Variants in DRD2 observed in about 807,000 individuals in gnomAD.
DRD2 encodes D(2) dopamine receptor.
A neutral mutation model predicts 38.0 loss-of-function variants in DRD2; 8 were observed. The ratio of observed to expected loss-of-function variants is 0.21; its 90% confidence interval spans 0.12 to 0.38. The LOEUF is 0.38. Among genes scored for constraint, DRD2 ranks in the 10% least tolerant of loss-of-function variants. DRD2 has a pLI of 1.00. For synonymous variants in DRD2, 230 were observed against 238.6 expected (o/e 0.96, Z 0.33); for missense variants, 403 against 607.7 (o/e 0.66, Z 3.54).
chr11:113,416,349 G>A (rs1950826760), intron 4 of DRD2, among the ~76,000 whole-genome samples: 1 of 152,180 alleles, frequency 6.6e-6, no homozygotes, highest in South Asian at 2.1e-4. Context: ...TCCTGACTCT[G>A]CCTCCCACAG....
At chr11:113,441,209 T>C (rs1951088244) in intron 1 of DRD2, among the ~76,000 whole-genome samples, 1 of 152,224 alleles carries the variant, frequency 6.6e-6, no homozygotes. Flanking sequence ...CCCCAACTTA[T>C]GGGCAGACCA....
At chr11:113,415,770 CAA>C (rs1366162011) in intron 4 of DRD2, among the ~76,000 whole-genome samples, 159 bp from the exon 5 acceptor site, 1 of 152,074 alleles carries the variant, frequency 6.6e-6, no homozygotes, top group Non-Finnish European at 1.5e-5. Flanking sequence ...TAGATATACA[CAA>C]ACGCACAGCA....
At chr11:113,447,131 G>A (rs1199211622) in intron 1 of DRD2, among the ~76,000 whole-genome samples, 1 of 152,090 alleles carries the variant, frequency 6.6e-6, no homozygotes, top group Non-Finnish European at 1.5e-5. Flanking sequence ...GCCCACTTCT[G>A]CTCCAGCCTC....
chr11:113,436,867 A>G (rs1353614428), intron 1 of DRD2, among the ~76,000 whole-genome samples: 1 of 152,106 alleles, frequency 6.6e-6, no homozygotes, highest in African/African-American at 2.4e-5. Flanking sequence ...CTTATTATGA[A>G]CACTGGCTTC....
chr11:113,425,442 C>A (rs1473139154), intron 1 of DRD2, among the ~76,000 whole-genome samples: 6 of 152,130 alleles, frequency 3.9e-5, no homozygotes, highest in Non-Finnish European at 7.3e-5. Context: ...GCAGAGGGAC[C>A]TGGCAAGGGT....
At chr11:113,472,074 G>C (rs960651186) in intron 1 of DRD2, among the ~76,000 whole-genome samples, 3 of 152,228 alleles carry the variant, frequency 2.0e-5, no homozygotes, top group African/African-American at 7.2e-5. Flanking sequence ...CCACAAAGCG[G>C]GGAGAAGTGG....
In DRD2 at chr11:113,416,156, T is replaced by C. The variant is rs2440390; in HGVS notation, c.533-545A>G. ...TGTGCATTAATCCAAGTATGTTTAG[T>C]GTTATTCCCACTTAGAATTCCTGTG... On this transcript the variant is annotated intron_variant, in intron 4 of 7. Coordinates refer to ENST00000362072, the MANE Select transcript of DRD2 (RefSeq NM_000795.4). Among the ~76,000 whole-genome samples, 132,047 of 152,240 alleles carry C rather than the reference T, an allele frequency of 0.87. 57,376 individuals are homozygous for C. Among genetic ancestry groups the C allele is most frequent in the East Asian group, 0.96 (4,970 of 5,170 alleles).
Position 113,410,722 on chromosome 11 carries a change from C to T in DRD2, c.*5G>A, listed in dbSNP as rs201275953. On this transcript the variant is annotated 3_prime_UTR_variant, in exon 8 of 8. Coordinates refer to ENST00000362072, the MANE Select transcript of DRD2 (RefSeq NM_000795.4). ...AGCAGGCTGCTGTGCGGGCAGGCAG[C>T]AGAGTCAGCAGTGGAGGATCTTCAG... The T allele has an allele frequency of 2.0e-5, 32 of 1,614,012 alleles. No homozygotes were observed. Among genetic ancestry groups the T allele is most frequent in the Non-Finnish European group, 2.3e-5 (27 of 1,180,040 alleles).
At chr11:113,446,860 C>T (rs2119882992) in intron 1 of DRD2, among the ~76,000 whole-genome samples, 1 of 152,284 alleles carries the variant, frequency 6.6e-6, no homozygotes, top group Middle Eastern at 3.4e-3. Flanking sequence ...CCAACACTGA[C>T]AGTAAGGCAT....
intron 1 of DRD2, among the ~76,000 whole-genome samples, chr11:113,435,825 T>G (rs1475149747): frequency 6.6e-6 from 1 of 152,188 alleles, no homozygotes; most frequent in Non-Finnish European, 1.5e-5. Context: ...TGACCTTTAC[T>G]TTAATTTCAG....
chr11:113,412,426 T>G, intron 7 of DRD2, 130 bp downstream of exon 7: 1 of 1,149,168 alleles, frequency 8.7e-7, no homozygotes. Flanking sequence ...GCTGTCTGTA[T>G]GTCAATGGGC....
intron 5 of DRD2, among the ~76,000 whole-genome samples, chr11:113,414,877 A>C (rs2138161190): frequency 6.6e-6 from 1 of 152,350 alleles, no homozygotes; most frequent in East Asian, 1.9e-4. Context: ...TGATGCGTCT[A>C]GCCCAAGAGC....
At chr11:113,468,463 A>G (rs1951390550) in intron 1 of DRD2, among the ~76,000 whole-genome samples, 1 of 152,378 alleles carries the variant, frequency 6.6e-6, no homozygotes, top group South Asian at 2.1e-4. Flanking sequence ...GAGCAGGTTA[A>G]GTGCCCTGCC....
intron 1 of DRD2, among the ~76,000 whole-genome samples, chr11:113,434,362 G>T (rs368539414): frequency 1.3e-5 from 2 of 152,194 alleles, no homozygotes; most frequent in African/African-American, 4.8e-5. Context: ...CAAGGGTGAA[G>T]GGGCCAGTCC....
At chr11:113,423,030 A>G (rs758621827) in intron 2 of DRD2, among the ~76,000 whole-genome samples, 3 of 151,958 alleles carry the variant, frequency 2.0e-5, no homozygotes, top group Non-Finnish European at 4.4e-5. Context: ...ATGCACCTAG[A>G]CTCCCAGATT....
At chr11:113,429,642 G>T (rs935184257) in intron 1 of DRD2, among the ~76,000 whole-genome samples, 3 of 152,152 alleles carry the variant, frequency 2.0e-5, no homozygotes, top group African/African-American at 4.8e-5. Context: ...ACAAGCAGGG[G>T]CAGCCTAGCT....
At chr11:113,418,576 T>C (rs2002453) in intron 2 of DRD2, among the ~76,000 whole-genome samples, 98,484 of 151,956 alleles carry the variant, frequency 0.65, 33,325 homozygotes, top group Non-Finnish European at 0.76. Flanking sequence ...AGAGACTTAC[T>C]GTCCCAGAGC....
At chr11:113,463,088 T>C (rs752999062) in intron 1 of DRD2, among the ~76,000 whole-genome samples, 3 of 152,222 alleles carry the variant, frequency 2.0e-5, no homozygotes, top group Non-Finnish European at 4.4e-5. Context: ...ACGGGAATGT[T>C]GGTGGTGCTG....
intron 2 of DRD2, among the ~76,000 whole-genome samples, chr11:113,424,062 T>C (rs1950912350): frequency 6.6e-6 from 1 of 152,226 alleles, no homozygotes; most frequent in Admixed American, 6.5e-5. Context: ...GTTTATCAAC[T>C]GCAAAATGGT....
Sources: gnomAD v4.1 joint callset for allele counts (sites outside exome capture counted in the v4.1 genomes callset) on GRCh38, gnomAD v4.1.1 for gene constraint, MANE v1.5 for transcripts, NCBI Gene and HGNC (gene_info 2026-07-23, HGNC 2026-07-21) for gene names.